IQSEC1: variants seen among roughly 807,000 people sequenced by gnomAD.
The protein encoded by IQSEC1 is IQ motif and SEC7 domain-containing protein 1.
A neutral mutation model predicts 91.0 loss-of-function variants in IQSEC1; 31 were observed. The observed-to-expected ratio is 0.34, with a 90% CI of 0.26 to 0.46. The LOEUF (loss-of-function observed/expected upper bound fraction) is 0.46, where lower values mean the gene tolerates loss of function less well. Ranked by LOEUF, IQSEC1 falls within the 20% of genes least tolerant of loss-of-function variation. The pLI is 1.00. For missense variants in IQSEC1, 1,388 were observed against 1,575.6 expected, an observed-to-expected ratio of 0.88 and a Z score of 2.02; for synonymous variants, 699 against 662.6, an observed-to-expected ratio of 1.05 and a Z score of -0.84.
At chr3:13,222,368 G>C (rs1055494230) in intron 1 of IQSEC1, among the ~76,000 whole-genome samples, 1 of 152,166 alleles carries the variant, frequency 6.6e-6, no homozygotes, top group Non-Finnish European at 1.5e-5. Flanking sequence ...ACGTTCATCT[G>C]TCACGGACAC....
At chr3:13,244,413 A>T (rs572605867) in intron 1 of IQSEC1, among the ~76,000 whole-genome samples, 114 of 152,324 alleles carry the variant, frequency 7.5e-4, no homozygotes, top group African/African-American at 2.7e-3. Flanking sequence ...TACAACAATT[A>T]CACACCAATA....
intron 2 of IQSEC1, among the ~76,000 whole-genome samples, chr3:13,146,604 C>T (rs1410172979): frequency 6.6e-6 from 1 of 152,214 alleles, no homozygotes; most frequent in Non-Finnish European, 1.5e-5. Flanking sequence ...CTTTTTGAGG[C>T]CAAGGCAGGC....
intron 1 of IQSEC1, among the ~76,000 whole-genome samples, chr3:13,266,569 G>A (rs1298493692): frequency 6.6e-6 from 1 of 151,914 alleles, no homozygotes; most frequent in East Asian, 1.9e-4. Flanking sequence ...TCCGATGATG[G>A]GGAGGAAGCA....
At chr3:12,955,869 A>T (rs574702962) in intron 1 of IQSEC1, among the ~76,000 whole-genome samples, 54 of 152,222 alleles carry the variant, frequency 3.5e-4, no homozygotes, top group African/African-American at 1.2e-3. Flanking sequence ...AGCTCTCTGG[A>T]AGATAGATTC....
chr3:13,035,023 C>G (rs1049998719), intron 1 of IQSEC1, among the ~76,000 whole-genome samples: 12 of 152,260 alleles, frequency 7.9e-5, no homozygotes, highest in Non-Finnish European at 1.3e-4. Flanking sequence ...CTGCTTTCTC[C>G]TCCTCCACTG....
rs1275304756 is a variant in IQSEC1 at position 12,897,871 on chromosome 3, A to T, written c.*3112T>A. ...GGTGCTGAAGACATTTTTAAGCAAGATGTGCACAGCATATTAGGATGAACT... is the reference window on the plus strand; with the variant it reads ...GGTGCTGAAGACATTTTTAAGCAAGTTGTGCACAGCATATTAGGATGAACT... On this transcript the variant is annotated 3_prime_UTR_variant, in exon 14 of 14. Coordinates refer to ENST00000613206, the MANE Select transcript of IQSEC1 (RefSeq NM_001134382.3). The T allele has an allele frequency of 6.6e-6, 1 of 152,256 alleles. No homozygotes were observed. Among genetic ancestry groups the T allele is most frequent in the African/African-American group, 2.4e-5 (1 of 41,460 alleles). 9.4% of individuals were successfully genotyped at this position (152,256 alleles called of 1,614,324 possible).
At chr3:12,989,355 T>C (rs1175369991) in intron 1 of IQSEC1, among the ~76,000 whole-genome samples, 1 of 152,208 alleles carries the variant, frequency 6.6e-6, no homozygotes, top group Non-Finnish European at 1.5e-5. Flanking sequence ...AAATCCCTGG[T>C]GGCTTCTGTG....
Position 13,017,167 on chromosome 3 carries a change from C to T in IQSEC1, c.23+55825G>A, listed in dbSNP as rs375813103. 2.6e-4 allele frequency among the ~76,000 whole-genome samples: 36 copies of T among 135,872 alleles called. No homozygotes were observed. The South Asian group carries it at 5.3e-3, about 20-fold the overall frequency. The allele number at this position is 135,872 out of a possible 152,430, so 89.1% of individuals were successfully genotyped here. ...AGAGGCCCTTCTTGACCTCCCCAGG[C>T]CATGTGGCTCCCTCTCCCCGATCAC... On this transcript the variant is annotated intron_variant, in intron 1 of 13. Transcript: ENST00000613206.
chr3:12,916,029 A>T (rs1696054963), intron 6 of IQSEC1, among the ~76,000 whole-genome samples: 1 of 152,198 alleles, frequency 6.6e-6, no homozygotes, highest in African/African-American at 2.4e-5. Flanking sequence ...TGCTAACCAC[A>T]GCCCTTCGAA....
intron 2 of IQSEC1, among the ~76,000 whole-genome samples, chr3:13,088,464 A>C (rs1705778673): frequency 1.4e-5 from 2 of 146,052 alleles, no homozygotes; most frequent in Non-Finnish European, 3.0e-5. Context: ...GCCCCCACCC[A>C]CTCACTCTCA....
In IQSEC1 at chr3:13,282,494, C is replaced by A. The variant is rs1695813906; in HGVS notation, c.272+217G>T. On this transcript the variant is annotated intron_variant, in intron 1 of 15. Transcript: ENST00000648114. This position sits in a 1 kb window ranked among gnomAD's most constrained non-coding sequence, Gnocchi z 6.4. ...CTCCCTGGAGCCCTTTTCCAGGGAA[C>A]CCAGTCCCCACCCGAGATCGAGCTC... is the stretch of plus-strand genomic sequence containing the variant. 1.3e-5 allele frequency among the ~76,000 whole-genome samples: 2 copies of A among 152,016 alleles called. No individual in the cohort carries two copies. The highest frequency in any genetic ancestry group is 3.2e-3 in the Middle Eastern group (1 of 316).
intron 1 of IQSEC1, among the ~76,000 whole-genome samples, chr3:12,975,687 A>C (rs1701134736): frequency 6.6e-6 from 1 of 152,188 alleles, no homozygotes; most frequent in Non-Finnish European, 1.5e-5. Flanking sequence ...AGGTTGTCTC[A>C]TTTAAGCTTC....
intron 1 of IQSEC1, among the ~76,000 whole-genome samples, chr3:13,061,712 G>T (rs1425047455): frequency 2.6e-5 from 4 of 152,226 alleles, no homozygotes; most frequent in African/African-American, 4.8e-5. Context: ...GAGGCTGCCA[G>T]CTCCGTCCAG....
In IQSEC1 at chr3:12,924,724, G is replaced by T; in HGVS notation, c.1587C>A (p.Val529=). The T allele has an allele frequency of 6.3e-7, 1 of 1,589,996 alleles. No individual in the cohort carries two copies. Among genetic ancestry groups the T allele is most frequent in the Non-Finnish European group, 8.6e-7 (1 of 1,165,214 alleles). ...NLFNKKPEKG[V]QYLIERGFVP... ...CAAAGCCACGCTCGATGAGGTACTG[G>T]ACTCCCTTCTCAGGCTTCCTGGGGT... The change falls in exon 4 of 14, where the codon GTC becomes GTA. Residue 529 remains valine (V), a synonymous_variant. Transcript: ENST00000613206. This position sits in a 1 kb window ranked among gnomAD's most constrained non-coding sequence, Gnocchi z 6.3.
chr3:13,192,044 T>C (rs768683265), intron 1 of IQSEC1, among the ~76,000 whole-genome samples: 2 of 152,152 alleles, frequency 1.3e-5, no homozygotes, highest in African/African-American at 2.4e-5. Context: ...GATTAGAAAG[T>C]AGGGCTATTG....
intron 1 of IQSEC1, among the ~76,000 whole-genome samples, chr3:12,943,299 G>C (rs1003422001): frequency 6.6e-6 from 1 of 152,226 alleles, no homozygotes; most frequent in Non-Finnish European, 1.5e-5. Context: ...CAGTGCCCCT[G>C]GTGGGGCCAT....
chr3:13,021,676 C>T (rs576560180), intron 1 of IQSEC1, among the ~76,000 whole-genome samples: 2 of 152,326 alleles, frequency 1.3e-5, no homozygotes, highest in South Asian at 2.1e-4. Context: ...GCTGAAGGGA[C>T]GCGTGTGAGC....
intron 2 of IQSEC1, among the ~76,000 whole-genome samples, chr3:13,093,917 C>T (rs143644906): frequency 1.3e-3 from 191 of 152,288 alleles, no homozygotes; most frequent in Middle Eastern, 6.8e-3. Context: ...TAGTGATTGG[C>T]TTAGAGATGG....
intron 1 of IQSEC1, among the ~76,000 whole-genome samples, chr3:13,268,041 A>T (rs761352602): frequency 6.6e-6 from 1 of 152,238 alleles, no homozygotes; most frequent in Admixed American, 6.5e-5. Flanking sequence ...CAGCTTGGTG[A>T]GTCCTGTCCG....
Sources: allele counts gnomAD v4.1 joint callset (sites outside exome capture counted in the v4.1 genomes callset), GRCh38; gene constraint gnomAD v4.1.1; non-coding constraint Gnocchi (gnomAD v3.1); transcripts MANE v1.5; gene names NCBI Gene and HGNC (gene_info 2026-07-23, HGNC 2026-07-21).